The following PTPRC variants were observed in gnomAD, a reference collection of about 807,000 sequenced individuals.
PTPRC encodes the protein receptor-type tyrosine-protein phosphatase C.
A neutral mutation model predicts 155.9 loss-of-function variants in PTPRC; 44 were observed. The observed-to-expected ratio is 0.28, with a 90% CI of 0.22 to 0.36. PTPRC has a LOEUF of 0.36. Ranked by LOEUF, PTPRC falls within the 10% of genes least tolerant of loss-of-function variation. The probability of loss-of-function intolerance (pLI) is 1.00; values close to 1 mark genes in which losing one functional copy is unlikely to be tolerated. For missense variants in PTPRC, 1,401 were observed against 1,564.6 expected (o/e 0.90, Z 1.76); for synonymous variants, 525 against 533.1 (o/e 0.98, Z 0.21).
chr1:198,706,810 T>C lies in PTPRC; in HGVS notation c.762T>C (p.Val254=), dbSNP rs1420422657. Residue 254 remains valine (V), a synonymous_variant, in exon 9 of 33, where the codon GTT becomes GTC. Transcript: ENST00000442510. Reference sequence around the variant, plus strand: ...AATTATTTACAGCAAAGCTAAATGTTAATGAGAATGTGGAATGTGGAAACA... The same window carrying C: ...AATTATTTACAGCAAAGCTAAATGTCAATGAGAATGTGGAATGTGGAAACA... ...ETKLFTAKLN[V]NENVECGNNT... The C allele has an allele frequency of 1.2e-6, 2 of 1,613,074 alleles. No individual in the cohort carries two copies. Among genetic ancestry groups the C allele is most frequent in the Non-Finnish European group, 8.5e-7 (1 of 1,179,274 alleles).
intron 4 of PTPRC, among the ~76,000 whole-genome samples, chr1:198,699,148 T>C (rs916951946): frequency 4.6e-5 from 7 of 152,232 alleles, no homozygotes; most frequent in Non-Finnish European, 7.3e-5. Flanking sequence ...CTGTCACATC[T>C]CTTGTCCATT....
chr1:198,742,256 C>T lies in PTPRC; in HGVS notation c.2586C>T (p.Thr862=). Residue 862 remains threonine (T), a synonymous_variant, in exon 25 of 33, where the codon ACC becomes ACT. Transcript: ENST00000442510. ...GTGCTGGTGTTGGGCGCACAGGAAC[C>T]TATATCGGAATTGATGCCATGCTAG... ...HCSAGVGRTG[T]YIGIDAMLEG... is the part of the protein sequence containing the mutation. The T allele has an allele frequency of 6.2e-7, 1 of 1,612,250 alleles. No individual in the cohort carries two copies.
chr1:198,719,598 G>A (rs1319142599), intron 14 of PTPRC, among the ~76,000 whole-genome samples: 1 of 151,484 alleles, frequency 6.6e-6, no homozygotes, highest in Non-Finnish European at 1.5e-5. Flanking sequence ...GTTTTGTTTT[G>A]TTTGTTTGTT....
At chr1:198,726,825 C>T (rs1456865673) in intron 15 of PTPRC, among the ~76,000 whole-genome samples, 2 of 150,428 alleles carry the variant, frequency 1.3e-5, no homozygotes, top group African/African-American at 4.9e-5. Context: ...ATAATTATTT[C>T]ATTTGTTCAC....
intron 2 of PTPRC, among the ~76,000 whole-genome samples, chr1:198,642,468 C>G (rs1441208393): frequency 6.6e-6 from 1 of 151,410 alleles, no homozygotes; most frequent in Non-Finnish European, 1.5e-5. Flanking sequence ...CTCTTTTCTC[C>G]ATTTGGTTAC....
intron 12 of PTPRC, among the ~76,000 whole-genome samples, chr1:198,715,279 C>A (rs960134312): frequency 6.6e-6 from 1 of 152,070 alleles, no homozygotes; most frequent in East Asian, 1.9e-4. Context: ...CCCGCCACCA[C>A]GCCCGGCTAA....
At chr1:198,664,038 T>C (rs1235327188) in intron 2 of PTPRC, among the ~76,000 whole-genome samples, 1 of 152,116 alleles carries the variant, frequency 6.6e-6, no homozygotes, top group Non-Finnish European at 1.5e-5. Context: ...AAGAAAAGTA[T>C]GTTAAAGATG....
intron 14 of PTPRC, among the ~76,000 whole-genome samples, chr1:198,720,150 C>G (rs1247662565): frequency 6.6e-6 from 1 of 151,966 alleles, no homozygotes; most frequent in Non-Finnish European, 1.5e-5. Context: ...AAATCAACAG[C>G]CTATTATTGT....
chr1:198,658,078 G>A (rs1337795973), intron 2 of PTPRC, among the ~76,000 whole-genome samples: 1 of 152,024 alleles, frequency 6.6e-6, no homozygotes, highest in Non-Finnish European at 1.5e-5. Context: ...ACATCTTTCT[G>A]GTCTGTCTCA....
intron 22 of PTPRC, 143 bp from the exon 23 acceptor site, chr1:198,734,984 T>C: frequency 1.4e-6 from 1 of 698,452 alleles, no homozygotes; most frequent in Non-Finnish European, 2.4e-6. Context: ...CATCACAGCT[T>C]AAGGTTTATA....
At chr1:198,705,351 C>T (rs550819206) in intron 8 of PTPRC, among the ~76,000 whole-genome samples, 1 of 152,014 alleles carries the variant, frequency 6.6e-6, no homozygotes, top group African/African-American at 2.4e-5. Flanking sequence ...ATCATTGCCT[C>T]CTTATGTTCT....
chr1:198,695,294 CA>C (rs1666141879), intron 3 of PTPRC: 1 of 705,448 alleles, frequency 1.4e-6, no homozygotes, highest in East Asian at 1.3e-4. Flanking sequence ...ATATTTGTGC[CA>C]TTGTCTTTTG....
intron 20 of PTPRC, 116 bp downstream of exon 20, chr1:198,732,672 T>C (rs1365632447): frequency 2.4e-5 from 18 of 759,588 alleles, no homozygotes; most frequent in Non-Finnish European, 8.7e-6. Context: ...CATATGTCAC[T>C]GATATAAACA....
chr1:198,699,977 C>G, intron 5 of PTPRC: 1 of 533,274 alleles, frequency 1.9e-6, no homozygotes, highest in South Asian at 2.1e-5. Flanking sequence ...ATATTTCAGG[C>G]AATTACCATT....
chr1:198,692,010 A>G (rs1665951588), intron 2 of PTPRC, among the ~76,000 whole-genome samples: 1 of 152,138 alleles, frequency 6.6e-6, no homozygotes, highest in Non-Finnish European at 1.5e-5. Context: ...ATCATTATCT[A>G]AATAAATAAT....
chr1:198,703,107 TGTTTA>T (rs990974583), intron 6 of PTPRC, among the ~76,000 whole-genome samples, 186 bp from the exon 7 acceptor site: 1 of 152,246 alleles, frequency 6.6e-6, no homozygotes, highest in Non-Finnish European at 1.5e-5. Context: ...ATTTATACAA[TGTTTA>T]GTTTAAATAA....
chr1:198,686,292 T>C (rs1665620953), intron 2 of PTPRC, among the ~76,000 whole-genome samples: 1 of 152,132 alleles, frequency 6.6e-6, no homozygotes, highest in Non-Finnish European at 1.5e-5. Context: ...AAAGAGCTCT[T>C]AGATAATTTA....
intron 2 of PTPRC, among the ~76,000 whole-genome samples, chr1:198,675,387 A>G (rs1664894331): frequency 1.3e-5 from 2 of 152,178 alleles, no homozygotes; most frequent in African/African-American, 4.8e-5. Flanking sequence ...TTCATTACTA[A>G]TATTTAGCTT....
At chr1:198,667,311 G>A (rs1408493540) in intron 2 of PTPRC, among the ~76,000 whole-genome samples, 4 of 152,160 alleles carry the variant, frequency 2.6e-5, no homozygotes, top group Admixed American at 2.0e-4. Flanking sequence ...CTCTATTGTA[G>A]CATTTAACAA....
Sources: allele counts gnomAD v4.1 joint callset (sites outside exome capture counted in the v4.1 genomes callset), GRCh38; gene constraint gnomAD v4.1.1; transcripts MANE v1.5; gene names NCBI Gene and HGNC (gene_info 2026-07-23, HGNC 2026-07-21).